The following POU6F1 variants were observed in gnomAD, a reference collection of about 807,000 sequenced individuals.
POU6F1 encodes the protein POU class 6 homeobox 1.
Under a neutral mutation model 28.9 loss-of-function variants are expected in POU6F1, and 9 were observed. The ratio of observed to expected loss-of-function variants is 0.31; its 90% CI spans 0.19 to 0.54. The LOEUF is 0.54. Among genes scored for constraint, POU6F1 ranks in the 20% least tolerant of loss-of-function variants. POU6F1 has a pLI of 0.94. For synonymous variants in POU6F1, 173 were observed against 171.1 expected, an observed-to-expected ratio of 1.01 and a Z score of -0.09; for missense variants, 338 against 426.1, an observed-to-expected ratio of 0.79 and a Z score of 1.82.
chr12:51,205,810 TTTTC>T (rs1256657665), intron 2 of POU6F1, among the ~76,000 whole-genome samples: 87 of 150,510 alleles, frequency 5.8e-4, no homozygotes, highest in South Asian at 4.2e-4. Context: ...TCATCTTTTC[TTTTC>T]TTTCTTTTTT....
chr12:51,216,496 A>C (rs2137250983), intron 1 of POU6F1, among the ~76,000 whole-genome samples: 1 of 152,356 alleles, frequency 6.6e-6, no homozygotes, highest in African/African-American at 2.4e-5. Flanking sequence ...AATTGTTCAG[A>C]GCATGGCACT....
chr12:51,212,498 A>G (rs1944059051), intron 1 of POU6F1, among the ~76,000 whole-genome samples: 1 of 150,522 alleles, frequency 6.6e-6, no homozygotes, highest in South Asian at 2.1e-4. Context: ...TCTATAGTCC[A>G]GGCCGGGCGT....
chr12:51,196,554 A>G (rs1942838899), intron 7 of POU6F1, among the ~76,000 whole-genome samples: 1 of 152,238 alleles, frequency 6.6e-6, no homozygotes, highest in African/African-American at 2.4e-5. Context: ...CCTAGCATAA[A>G]GCCTGACCAC....
intron 1 of POU6F1, among the ~76,000 whole-genome samples, chr12:51,212,270 T>C (rs1269151341): frequency 1.3e-5 from 2 of 151,724 alleles, no homozygotes; most frequent in Non-Finnish European, 2.9e-5. Context: ...ATTTTTGTAT[T>C]TTTAGTAGAG....
chr12:51,188,747 A>C lies in POU6F1; in HGVS notation c.*1500T>G, dbSNP rs1592128355. The C allele has an allele frequency of 6.6e-6, 1 of 152,200 alleles. No individual in the cohort carries two copies. The highest frequency in any genetic ancestry group is 1.9e-4 in the East Asian group (1 of 5,190). 9.4% of individuals were successfully genotyped at this position (152,200 alleles called of 1,614,324 possible). ...TCCTTCCCTCAGGGTGGATCATGGG[A>C]GGTCCACTGGAGGCAGCTGTTAGAG... is the stretch of plus-strand genomic sequence containing the variant. On this transcript the variant is annotated 3_prime_UTR_variant, in exon 11 of 11. Transcript: ENST00000333640.
chr12:51,190,490 C>T lies in POU6F1; in HGVS notation c.1593G>A (p.Gln531=), dbSNP rs1592132710. Residue 531 remains glutamine (Q), a synonymous_variant, in exon 11 of 11, where the codon CAG becomes CAA. Transcript: ENST00000333640. The surrounding 1 kb of genome is among the most constrained non-coding windows in gnomAD (Gnocchi z 4.5). ...CGCCTCCCACAAACTCCATCAGGTT[C>T]TGCTGGCCTTCCTGGTTCCGCAGTT... ...EAELRNQEGQ[Q]NLMEFVGGEP... is the part of the protein sequence containing the mutation. The T allele has an allele frequency of 6.2e-7, 1 of 1,614,208 alleles. No homozygotes were observed. Among genetic ancestry groups the T allele is most frequent in the East Asian group, 2.2e-5 (1 of 44,886 alleles).
At position 51,191,279 on chromosome 12, in the gene POU6F1, C is replaced by T. The variant is rs116573023; in HGVS notation, c.1490+317G>A. On this transcript the variant is annotated intron_variant, in intron 10 of 10. Transcript: ENST00000333640. ...GGCCAACATAGAATGGAAGTTCCCA[C>T]TTTGGTGACTAATTTTATAAGCTGT... 8.5e-3 allele frequency among the ~76,000 whole-genome samples: 1,302 copies of T among 152,326 alleles called. 20 individuals carry two copies. Among genetic ancestry groups the T allele is most frequent in the African/African-American group, 0.029 (1,221 of 41,566 alleles).
In POU6F1 at chr12:51,188,501, T is replaced by TGC. The variant is rs895981605; in HGVS notation, c.*1744_*1745dup. 1.3e-5 allele frequency: 2 copies of TGC among 152,250 alleles called. No individual in the cohort carries two copies. The highest frequency in any genetic ancestry group is 2.9e-5 in the Non-Finnish European group (2 of 68,050). 9.4% of individuals were successfully genotyped at this position (152,250 alleles called of 1,614,324 possible). A position where few individuals can be genotyped will look rare whatever the true frequency, so the allele number is the denominator to read the frequency against. ...AGCAGAGCGTGTATGTGTGTGTGTGTGCGCGCGTCTGTGCGCGCTGCACGT... is the reference window on the plus strand; with the variant it reads ...AGCAGAGCGTGTATGTGTGTGTGTGTGCGCGCGCGTCTGTGCGCGCTGCACGT... On this transcript the variant is annotated 3_prime_UTR_variant, in exon 11 of 11. Coordinates refer to ENST00000333640, the MANE Select transcript of POU6F1 (RefSeq NM_001330422.2).
chr12:51,209,743 C>A (rs1470845735), intron 1 of POU6F1, among the ~76,000 whole-genome samples: 1 of 152,108 alleles, frequency 6.6e-6, no homozygotes, highest in Non-Finnish European at 1.5e-5. Context: ...GAGGTTCTTT[C>A]CCTCCTCTTC....
In POU6F1 at chr12:51,199,362, G is replaced by C. The variant is rs577674498; in HGVS notation, c.366+385C>G. Among the ~76,000 whole-genome samples, 3 of 152,258 alleles carry C rather than the reference G, an allele frequency of 2.0e-5. No individual in the cohort carries two copies. Among genetic ancestry groups the C allele is most frequent in the African/African-American group, 7.2e-5 (3 of 41,552 alleles). Reference sequence around the variant, plus strand: ...CTGAAGGCAGCCTCTCATGGTGCTGGGGCCACTCCCTGGCTCTAAATGAGG... The same window carrying C: ...CTGAAGGCAGCCTCTCATGGTGCTGCGGCCACTCCCTGGCTCTAAATGAGG... On this transcript the variant is annotated intron_variant, in intron 4 of 10. Transcript: ENST00000333640. The surrounding 1 kb of genome is among the most constrained non-coding windows in gnomAD (Gnocchi z 4.1).
At chr12:51,214,828 GC>G (rs1007034764) in intron 1 of POU6F1, among the ~76,000 whole-genome samples, 1 of 151,696 alleles carries the variant, frequency 6.6e-6, no homozygotes, top group African/African-American at 2.4e-5. Context: ...GTGTGGTGGC[GC>G]AGGCCTGTAG....
chr12:51,212,066 TTTTTTTTG>T (rs1199794921), intron 1 of POU6F1, among the ~76,000 whole-genome samples: 2 of 109,052 alleles, frequency 1.8e-5, no homozygotes, highest in East Asian at 8.4e-4. Flanking sequence ...CCTTTCGTTT[TTTTTTTTG>T]TTTTTTTTGT....
At chr12:51,210,080 C>T (rs1592196772) in intron 1 of POU6F1, among the ~76,000 whole-genome samples, 1 of 152,136 alleles carries the variant, frequency 6.6e-6, no homozygotes, top group Admixed American at 6.6e-5. Flanking sequence ...ACCTTAACCA[C>T]CAGAGTAGCT....
intron 8 of POU6F1, among the ~76,000 whole-genome samples, chr12:51,195,035 G>A (rs2137114113): frequency 6.6e-6 from 1 of 152,292 alleles, no homozygotes; most frequent in South Asian, 2.1e-4. Context: ...GGCCTCCAGG[G>A]GATTCTGATG....
intron 5 of POU6F1, 77 bp downstream of exon 5, chr12:51,198,473 C>T (rs1419823490): frequency 2.5e-5 from 10 of 398,064 alleles, no homozygotes; most frequent in African/African-American, 8.3e-5. Context: ...GTTCTGAGTC[C>T]GACATGGCAA....
intron 2 of POU6F1, among the ~76,000 whole-genome samples, chr12:51,205,202 G>A (rs1418857760): frequency 6.6e-6 from 1 of 151,908 alleles, no homozygotes; most frequent in African/African-American, 2.4e-5. Flanking sequence ...ACCACGCCCG[G>A]CTAATTTTTT....
chr12:51,211,311 A>G (rs1943969541), intron 1 of POU6F1, among the ~76,000 whole-genome samples: 1 of 152,208 alleles, frequency 6.6e-6, no homozygotes, highest in Non-Finnish European at 1.5e-5. Flanking sequence ...AGAGAGCCAG[A>G]GCCCACCAAG....
chr12:51,187,597 C>T lies in POU6F1; in HGVS notation c.*2650G>A, dbSNP rs1490178774. On this transcript the variant is annotated 3_prime_UTR_variant, in exon 11 of 11. Transcript: ENST00000333640. ...CCTGCACCCCCATGCCTGGGGAACT[C>T]AGCCTGCAAACCTCCCACCCCTGGT... 6.6e-6 allele frequency: 1 copy of T among 152,234 alleles called. No homozygotes were observed. The highest frequency in any genetic ancestry group is 1.5e-5 in the Non-Finnish European group (1 of 68,074). The allele number at this position is 152,234 out of a possible 1,614,324, so 9.4% of individuals were successfully genotyped here.
At position 51,199,844 on chromosome 12, in the gene POU6F1, G is replaced by A. The variant is rs565836175; in HGVS notation, c.269C>T (p.Pro90Leu). Residue 90 changes from proline to leucine, a missense_variant, in exon 4 of 11, where the codon CCG (proline) becomes CTG (leucine). Coordinates refer to ENST00000333640, the MANE Select transcript of POU6F1 (RefSeq NM_001330422.2). This position sits in a 1 kb window ranked among gnomAD's most constrained non-coding sequence, Gnocchi z 4.1. The stretch of plus-strand genomic sequence containing the variant: ...GGTGGCAATGGCAGTGGCAGGGCTC[G>A]GAGGGATCCCCGGGGGTGACTTCAC... ...ATVKSPPGIP[P>L]SPATAIATFS... 109 of 399,296 alleles carry A rather than the reference G, an allele frequency of 2.7e-4. No homozygotes were observed. The highest frequency in any genetic ancestry group is 2.0e-3 in the African/African-American group (97 of 48,750). 24.7% of individuals were successfully genotyped at this position (399,296 alleles called of 1,614,324 possible). A position where few individuals can be genotyped will look rare whatever the true frequency, so the allele number is the denominator to read the frequency against.
Sources: allele counts gnomAD v4.1 joint callset (sites outside exome capture counted in the v4.1 genomes callset), GRCh38; gene constraint gnomAD v4.1.1; non-coding constraint Gnocchi (gnomAD v3.1); transcripts MANE v1.5; gene names NCBI Gene and HGNC (gene_info 2026-07-23, HGNC 2026-07-21).